JPH3: variants seen among roughly 807,000 people sequenced by gnomAD.
The protein encoded by JPH3 is junctophilin 3.
JPH3 carries 11 observed loss-of-function variants against 59.6 expected under a neutral mutation model. The ratio of observed to expected loss-of-function variants is 0.18; its 90% CI spans 0.12 to 0.31. JPH3 has a LOEUF of 0.31. Ranked by LOEUF, JPH3 falls within the 10% of genes least tolerant of loss-of-function variation. The pLI, the probability that JPH3 is intolerant of heterozygous loss-of-function variation, is 1.00. For synonymous variants in JPH3, 673 were observed against 483.6 expected (o/e 1.39, Z -5.14); for missense variants, 1,202 against 1,105.7 (o/e 1.09, Z -1.24).
chr16:87,689,197 A>G (rs1469802981), intron 3 of JPH3, among the ~76,000 whole-genome samples: 1 of 152,196 alleles, frequency 6.6e-6, no homozygotes, highest in Non-Finnish European at 1.5e-5. Context: ...ACCCTGAGAC[A>G]CAGTCCCAGG....
chr16:87,671,623 A>G (rs545727154), intron 2 of JPH3, among the ~76,000 whole-genome samples: 1 of 64,780 alleles, frequency 1.5e-5, no homozygotes, highest in African/African-American at 5.3e-5. Flanking sequence ...TCTGCGCCTG[A>G]GCTCCCAGCT....
Position 87,644,097 on chromosome 16 carries a change from C to G in JPH3, c.383-161C>G, listed in dbSNP as rs550985547. ...TGGCTGTCGTGAGCTGTGATGGTCT[C>G]ACTGCACTCCAGCCTGGGCAACACA... On this transcript the variant is annotated intron_variant, in intron 1 of 4. Transcript: ENST00000284262. Among the ~76,000 whole-genome samples, 25 of 152,354 alleles carry G rather than the reference C, an allele frequency of 1.6e-4. No individual in the cohort carries two copies. In the South Asian group the frequency reaches 5.0e-3, roughly 30 times the overall value.
At chr16:87,676,686 A>G (rs2033148607) in intron 2 of JPH3, among the ~76,000 whole-genome samples, 1 of 151,608 alleles carries the variant, frequency 6.6e-6, no homozygotes, top group South Asian at 2.1e-4. Flanking sequence ...GTGAGCTGAG[A>G]TCACACCACT....
At chr16:87,640,182 A>G (rs566323084) in intron 1 of JPH3, among the ~76,000 whole-genome samples, 2 of 152,002 alleles carry the variant, frequency 1.3e-5, no homozygotes, top group African/African-American at 4.8e-5. Flanking sequence ...GAAAAAAATT[A>G]GCTGGGTGTG....
chr16:87,609,465 C>T (rs1567580352), intron 1 of JPH3, among the ~76,000 whole-genome samples: 1 of 152,112 alleles, frequency 6.6e-6, no homozygotes, highest in Non-Finnish European at 1.5e-5. Flanking sequence ...CAGTGTTTTG[C>T]CATGTTGGCC....
intron 2 of JPH3, among the ~76,000 whole-genome samples, chr16:87,650,155 C>T (rs74039408): frequency 6.6e-6 from 1 of 152,234 alleles, no homozygotes; most frequent in Non-Finnish European, 1.5e-5. Flanking sequence ...GTTTTCCCAA[C>T]AGCACGTGCT....
chr16:87,676,137 A>G (rs1446282377), intron 2 of JPH3, among the ~76,000 whole-genome samples: 1 of 152,208 alleles, frequency 6.6e-6, no homozygotes. Context: ...CAGGAGTGTA[A>G]TTGCTGTCTT....
rs116054914 is a variant in JPH3, at chr16:87,648,735, C to T, written c.1160+3700C>T. Among the ~76,000 whole-genome samples, 34 of 152,314 alleles carry T rather than the reference C, an allele frequency of 2.2e-4. No individual in the cohort carries two copies. The South Asian group carries it at 6.6e-3, about 30-fold the overall frequency. ...GGTTCTAAGGCACAGGATGGATACC[C>T]TCCTCGGCCATGTGACATCATTGTT... On this transcript the variant is annotated intron_variant, in intron 2 of 4. Transcript: ENST00000284262.
chr16:87,654,095 T>G (rs1016366415), intron 2 of JPH3: 1 of 152,272 alleles, frequency 6.6e-6, no homozygotes, highest in Non-Finnish European at 1.5e-5. Flanking sequence ...GGCTGTTGCC[T>G]GGCTGATATT....
chr16:87,602,755 C>G lies in JPH3; in HGVS notation c.-392C>G, dbSNP rs1178397661. ...CGCGGCCCGGGCCTGAGCTGCCCCC[C>G]GCCCGGCCTCGGCGCGGCGCCCTCC... On this transcript the variant is annotated 5_prime_UTR_variant, in exon 1 of 5. Coordinates refer to ENST00000284262, the MANE Select transcript of JPH3 (RefSeq NM_020655.4). The G allele has an allele frequency of 7.4e-6, 1 of 136,014 alleles. No homozygotes were observed. Among genetic ancestry groups the G allele is most frequent in the African/African-American group, 2.6e-5 (1 of 37,842 alleles). The allele number at this position is 136,014 out of a possible 1,614,324, so 8.4% of individuals were successfully genotyped here.
At chr16:87,637,391 G>GGAGA (rs149512628) in intron 1 of JPH3, among the ~76,000 whole-genome samples, 17 of 84,110 alleles carry the variant, frequency 2.0e-4, no homozygotes, top group Non-Finnish European at 4.5e-4. Context: ...ATGTTATGGG[G>GGAGA]GAGAGAGAGA....
Position 87,644,401 on chromosome 16 carries a change from G to T in JPH3, c.526G>T (p.Ala176Ser). Residue 176 changes from alanine (A) to serine (S), a missense_variant, in exon 2 of 5, where the codon GCG becomes TCG. Coordinates refer to ENST00000284262, the MANE Select transcript of JPH3 (RefSeq NM_020655.4). Reference protein sequence around the residue: ...SLRSEHTNGTALHPDASPAVA... With the variant: ...SLRSEHTNGTSLHPDASPAVA... ...GCGCAGCGAGCACACCAACGGCACG[G>T]CGCTGCATCCCGACGCCTCTCCGGC... 1 of 1,612,618 alleles carries T rather than the reference G, an allele frequency of 6.2e-7. No individual in the cohort carries two copies. Among genetic ancestry groups the T allele is most frequent in the Non-Finnish European group, 8.5e-7 (1 of 1,179,744 alleles).
intron 2 of JPH3, among the ~76,000 whole-genome samples, chr16:87,672,579 G>A (rs74988621): frequency 0.023 from 3,551 of 152,330 alleles, 146 homozygotes; most frequent in African/African-American, 0.082. Context: ...GCTTGCTTGA[G>A]GTCTGTCCTG....
At chr16:87,615,814 G>T (rs2030934401) in intron 1 of JPH3, among the ~76,000 whole-genome samples, 1 of 152,212 alleles carries the variant, frequency 6.6e-6, no homozygotes. Flanking sequence ...CATTGCTAGG[G>T]GGAGGCGAGT....
At chr16:87,616,687 A>G (rs1283156477) in intron 1 of JPH3, among the ~76,000 whole-genome samples, 1 of 152,164 alleles carries the variant, frequency 6.6e-6, no homozygotes, top group Non-Finnish European at 1.5e-5. Context: ...AACTGATGAC[A>G]TGTCGGAACC....
At chr16:87,631,581 C>A (rs1236511467) in intron 1 of JPH3, among the ~76,000 whole-genome samples, 1 of 152,070 alleles carries the variant, frequency 6.6e-6, no homozygotes, top group African/African-American at 2.4e-5. Context: ...GGTGTCTCTC[C>A]CCTCATTGTG....
chr16:87,648,779 C>T (rs568738345), intron 2 of JPH3, among the ~76,000 whole-genome samples: 1 of 152,164 alleles, frequency 6.6e-6, no homozygotes, highest in African/African-American at 2.4e-5. Context: ...GCCCAGTGTT[C>T]GGAGCCTTCG....
chr16:87,646,286 G>C (rs1833263132), intron 2 of JPH3, among the ~76,000 whole-genome samples: 1 of 152,240 alleles, frequency 6.6e-6, no homozygotes, highest in Non-Finnish European at 1.5e-5. Flanking sequence ...GCTGCGGTTT[G>C]TTGGCAGAAT....
chr16:87,604,542 T>C, intron 1 of JPH3: 1 of 1,258,838 alleles, frequency 7.9e-7, no homozygotes, highest in Non-Finnish European at 1.0e-6. Context: ...CTCGGGCGGC[T>C]CGCCTGTTTC....
Sources: allele counts gnomAD v4.1 joint callset (sites outside exome capture counted in the v4.1 genomes callset), GRCh38; gene constraint gnomAD v4.1.1; transcripts MANE v1.5; gene names NCBI Gene and HGNC (gene_info 2026-07-23, HGNC 2026-07-21).